Variants in EPHA5 observed in about 807,000 individuals in gnomAD.
EPHA5 encodes EPH receptor A5.
EPHA5 carries 60 observed loss-of-function variants against 105.0 expected under a neutral mutation model. The ratio of observed to expected loss-of-function variants is 0.57; its 90% CI spans 0.46 to 0.71. The LOEUF is 0.71. EPHA5 is among the 30% of genes least tolerant of loss of function. EPHA5 has a pLI of 0.00. For missense variants in EPHA5, 1,218 were observed against 1,274.7 expected (o/e 0.96, Z 0.68); for synonymous variants, 513 against 449.1 (o/e 1.14, Z -1.80).
At chr4:65,540,047 A>G (rs1736668914) in intron 3 of EPHA5, among the ~76,000 whole-genome samples, 1 of 151,416 alleles carries the variant, frequency 6.6e-6, no homozygotes. Context: ...AGGATGTTCT[A>G]TTGACAGGAA....
chr4:65,487,314 G>C (rs1171837415), intron 5 of EPHA5, among the ~76,000 whole-genome samples: 1 of 152,048 alleles, frequency 6.6e-6, no homozygotes, highest in African/African-American at 2.4e-5. Context: ...ACTAACTTTG[G>C]GGGGAATTTA....
chr4:65,408,519 A>T (rs969761706), intron 7 of EPHA5, among the ~76,000 whole-genome samples: 1 of 151,946 alleles, frequency 6.6e-6, no homozygotes, highest in African/African-American at 2.4e-5. Flanking sequence ...CCCATTAAAA[A>T]GTGGGCGAAG....
chr4:65,585,137 T>TGTGTGC (rs1741994032), intron 3 of EPHA5, among the ~76,000 whole-genome samples: 1 of 151,680 alleles, frequency 6.6e-6, no homozygotes, highest in Non-Finnish European at 1.5e-5. Context: ...TGTGTGTGTG[T>TGTGTGC]GTGTGTGTCT....
In EPHA5 at chr4:65,332,849, A is replaced by T. The variant is rs77701452; in HGVS notation, c.2790-721T>A. ...AAGCCAATCGATTTTTCCTAGAGGA[A>T]CTTATCGACTTCCTAGAGGAACTTA... On this transcript the variant is annotated intron_variant, in intron 15 of 16. Transcript: ENST00000613740. 9.3e-3 allele frequency among the ~76,000 whole-genome samples: 1,421 copies of T among 152,020 alleles called. 25 individuals are homozygous for T. Among genetic ancestry groups the T allele is most frequent in the African/African-American group, 0.033 (1,367 of 41,518 alleles).
chr4:65,658,109 A>T (rs1228100639), intron 1 of EPHA5, among the ~76,000 whole-genome samples: 1 of 152,074 alleles, frequency 6.6e-6, no homozygotes, highest in East Asian at 1.9e-4. Flanking sequence ...TCTCAGTATG[A>T]TAGGCAACAC....
intron 9 of EPHA5, among the ~76,000 whole-genome samples, chr4:65,366,806 T>C (rs185141454): frequency 2.6e-5 from 4 of 152,010 alleles, no homozygotes. Context: ...TAAGGAAAAA[T>C]AATAAAATAT....
chr4:65,465,292 C>T (rs192791913), intron 5 of EPHA5, among the ~76,000 whole-genome samples: 4 of 151,534 alleles, frequency 2.6e-5, no homozygotes, highest in South Asian at 2.1e-4. Flanking sequence ...AAAAATTAGC[C>T]GGGCGTGGTC....
chr4:65,522,959 AG>A (rs1268760393), intron 3 of EPHA5, among the ~76,000 whole-genome samples: 7 of 151,988 alleles, frequency 4.6e-5, no homozygotes, highest in African/African-American at 1.7e-4. Context: ...GATTCTAAAA[AG>A]CATGATCAAC....
At chr4:65,535,466 T>G (rs1424665601) in intron 3 of EPHA5, among the ~76,000 whole-genome samples, 1 of 152,166 alleles carries the variant, frequency 6.6e-6, no homozygotes, top group Non-Finnish European at 1.5e-5. Flanking sequence ...TGTCAAATGT[T>G]AAAAATGCAG....
chr4:65,552,691 ATTAT>A (rs1431388299), intron 3 of EPHA5, among the ~76,000 whole-genome samples: 1 of 152,124 alleles, frequency 6.6e-6, no homozygotes, highest in Non-Finnish European at 1.5e-5. Flanking sequence ...AGGTCACAAC[ATTAT>A]TTAAGATTCT....
intron 3 of EPHA5, among the ~76,000 whole-genome samples, chr4:65,589,228 G>T (rs1742405197): frequency 6.7e-6 from 1 of 148,346 alleles, no homozygotes; most frequent in Admixed American, 6.7e-5. Context: ...GTGTTATTTG[G>T]TTAAACTGCT....
intron 2 of EPHA5, among the ~76,000 whole-genome samples, chr4:65,606,153 A>T (rs1164184750): frequency 6.6e-6 from 1 of 152,124 alleles, no homozygotes; most frequent in Non-Finnish European, 1.5e-5. Context: ...ACGTCATGTA[A>T]CCATCAATAA....
At chr4:65,543,706 C>A (rs1408008049) in intron 3 of EPHA5, among the ~76,000 whole-genome samples, 1 of 151,666 alleles carries the variant, frequency 6.6e-6, no homozygotes, top group Non-Finnish European at 1.5e-5. Flanking sequence ...ACATTATTCA[C>A]AGAATTCTAG....
chr4:65,419,229 C>A (rs1025220890), intron 6 of EPHA5, among the ~76,000 whole-genome samples: 8 of 151,624 alleles, frequency 5.3e-5, no homozygotes, highest in Non-Finnish European at 1.0e-4. Flanking sequence ...TATATAGTTG[C>A]ACTTTTAAGT....
intron 3 of EPHA5, among the ~76,000 whole-genome samples, chr4:65,563,827 T>C (rs1217274305): frequency 6.6e-6 from 1 of 152,038 alleles, no homozygotes; most frequent in Non-Finnish European, 1.5e-5. Context: ...AAGAGATTTT[T>C]ATATGCAAAG....
chr4:65,612,470 G>T (rs542961797), intron 2 of EPHA5, among the ~76,000 whole-genome samples: 2 of 152,034 alleles, frequency 1.3e-5, no homozygotes, highest in Non-Finnish European at 2.9e-5. Flanking sequence ...ATGGCCTCTA[G>T]TCCCATTCAT....
chr4:65,354,550 CATTA>C (rs933901764), intron 11 of EPHA5, among the ~76,000 whole-genome samples: 6 of 151,398 alleles, frequency 4.0e-5, no homozygotes, highest in African/African-American at 1.2e-4. Flanking sequence ...CATATATGTC[CATTA>C]ATTAACTTTT....
Position 65,320,441 on chromosome 4 carries a change from CT to C in EPHA5, c.*3672del, listed in dbSNP as rs11376233. The C allele has an allele frequency of 1.3e-5, 3 of 229,122 alleles. No individual in the cohort carries two copies. Among genetic ancestry groups the C allele is most frequent in the South Asian group, 3.6e-4 (2 of 5,484 alleles). 14.2% of individuals were successfully genotyped at this position (229,122 alleles called of 1,614,324 possible). A position where few individuals can be genotyped will look rare whatever the true frequency, so the allele number is the denominator to read the frequency against. On this transcript the variant is annotated 3_prime_UTR_variant, in exon 17 of 17. Transcript: ENST00000613740. ...GCAAAGACAGTTTACTATCACACTT[CT>C]TTTTTTTCTTATTTTTAGGAAAAAC... is the stretch of plus-strand genomic sequence containing the variant.
At chr4:65,404,346 A>C (rs1722145986) in intron 8 of EPHA5, 28 bp downstream of exon 8, 3 of 1,586,672 alleles carry the variant, frequency 1.9e-6, no homozygotes, top group East Asian at 4.5e-5. Context: ...CAGCTGCAGA[A>C]CTTCAGAATC....
Sources: allele counts gnomAD v4.1 joint callset (sites outside exome capture counted in the v4.1 genomes callset), GRCh38; gene constraint gnomAD v4.1.1; transcripts MANE v1.5; gene names NCBI Gene and HGNC (gene_info 2026-07-23, HGNC 2026-07-21).